The following GLCCI1 variants were observed in gnomAD, a reference collection of about 807,000 sequenced individuals.
GLCCI1 encodes glucocorticoid-induced transcript 1 protein.
Under a neutral mutation model 52.2 loss-of-function variants are expected in GLCCI1, and 24 were observed. That is an observed-to-expected ratio of 0.46 (90% CI 0.33 to 0.65). The LOEUF (loss-of-function observed/expected upper bound fraction) is 0.65. GLCCI1 is among the 30% of genes least tolerant of loss of function. The probability of loss-of-function intolerance (pLI) is 0.02; values close to 1 mark genes in which losing one functional copy is unlikely to be tolerated. For missense variants in GLCCI1, 704 were observed against 701.5 expected (o/e 1.00, Z -0.04); for synonymous variants, 310 against 276.5 (o/e 1.12, Z -1.20).
chr7:8,086,059 AC>A lies in GLCCI1; in HGVS notation c.1299-130del. The A allele has an allele frequency of 1.4e-6, 1 of 690,746 alleles. No individual in the cohort carries two copies. The highest frequency in any genetic ancestry group is 2.6e-5 in the East Asian group (1 of 39,130). The allele number at this position is 690,746 out of a possible 1,614,324, so 42.8% of individuals were successfully genotyped here. On this transcript the variant is annotated intron_variant, in intron 7 of 7. Coordinates refer to ENST00000223145, the MANE Select transcript of GLCCI1 (RefSeq NM_138426.4). This position sits in a 1 kb window ranked among gnomAD's most constrained non-coding sequence, Gnocchi z 4.4. ...CTGACTTGTGCTATGGAAGATGTTT[AC>A]CCCTCTGTATACACTTAACCCATCT...
intron 1 of GLCCI1, among the ~76,000 whole-genome samples, chr7:7,990,370 T>C (rs1562418933): frequency 1.3e-5 from 2 of 152,140 alleles, no homozygotes; most frequent in Non-Finnish European, 2.9e-5. Flanking sequence ...GTTCAATCGG[T>C]AATATCAATT....
chr7:7,980,972 CA>C, intron 1 of GLCCI1: 2 of 567,868 alleles, frequency 3.5e-6, no homozygotes, highest in Middle Eastern at 4.7e-4. Context: ...AGAGTTGACA[CA>C]AATGAAGAAA....
intron 1 of GLCCI1, chr7:7,981,171 T>C (rs1780605770): frequency 7.6e-6 from 3 of 392,444 alleles, no homozygotes; most frequent in South Asian, 6.2e-5. Flanking sequence ...TATAATACTC[T>C]CTAGATTTGG....
chr7:7,995,464 C>T (rs139222857), intron 1 of GLCCI1, among the ~76,000 whole-genome samples: 4,422 of 152,204 alleles, frequency 0.029, 203 homozygotes, highest in African/African-American at 0.093. Flanking sequence ...GAGCCGAGAT[C>T]GTGCCACTGC....
chr7:8,027,443 G>A (rs1370344740), intron 3 of GLCCI1, among the ~76,000 whole-genome samples: 3 of 152,190 alleles, frequency 2.0e-5, no homozygotes, highest in African/African-American at 7.2e-5. Context: ...AGCCAAGATC[G>A]CACCACTGTA....
intron 1 of GLCCI1, among the ~76,000 whole-genome samples, chr7:7,971,071 G>C (rs1470805109): frequency 6.6e-6 from 1 of 152,166 alleles, no homozygotes; most frequent in East Asian, 1.9e-4. Context: ...TAACGCACTT[G>C]TTTTCTGACC....
chr7:8,047,781 C>G (rs896608759), intron 3 of GLCCI1, among the ~76,000 whole-genome samples: 3 of 152,232 alleles, frequency 2.0e-5, no homozygotes, highest in African/African-American at 7.2e-5. Flanking sequence ...TATCCTTATT[C>G]AGTGACAGAA....
rs779125222 is a variant in GLCCI1, at chr7:8,038,493, A to T, written c.696+15924A>T. ...TGATTTTTGACAAAGTTGACAAAAC[A>T]TATGCTGGGGAAAGTACACTCTTTT... On this transcript the variant is annotated intron_variant, in intron 3 of 7. Transcript: ENST00000223145. Among the ~76,000 whole-genome samples the T allele has an allele frequency of 1.1e-3, 175 of 152,232 alleles. 1 individual carries two copies. The highest frequency in any genetic ancestry group is 2.6e-4 in the Non-Finnish European group (18 of 68,026).
intron 1 of GLCCI1, among the ~76,000 whole-genome samples, chr7:8,003,561 T>A (rs1430108666): frequency 6.6e-6 from 1 of 152,194 alleles, no homozygotes; most frequent in Non-Finnish European, 1.5e-5. Flanking sequence ...TAAAATTTAG[T>A]TGAAATGGAT....
At chr7:8,070,719 A>G (rs572631719) in intron 5 of GLCCI1, 9 of 542,054 alleles carry the variant, frequency 1.7e-5, no homozygotes, top group South Asian at 6.4e-5. Flanking sequence ...TAAGGCAAAC[A>G]ATTTGATTTA....
chr7:8,073,135 A>G (rs1483632123), intron 6 of GLCCI1, among the ~76,000 whole-genome samples: 3 of 152,192 alleles, frequency 2.0e-5, no homozygotes, highest in Non-Finnish European at 4.4e-5. Flanking sequence ...AGTTAAGAGT[A>G]GCACTGGCTT....
At chr7:8,067,561 G>A (rs1213122312) in intron 5 of GLCCI1, among the ~76,000 whole-genome samples, 2 of 152,140 alleles carry the variant, frequency 1.3e-5, no homozygotes, top group African/African-American at 4.8e-5. Context: ...TTGTAAGGCA[G>A]GTCTGGTAGT....
At chr7:8,052,907 G>T (rs1348671889) in intron 3 of GLCCI1, among the ~76,000 whole-genome samples, 1 of 152,018 alleles carries the variant, frequency 6.6e-6, no homozygotes, top group African/African-American at 2.4e-5. Context: ...CTGCTCTATG[G>T]TGGAATAGAA....
chr7:7,977,617 T>C (rs750677655), intron 1 of GLCCI1, among the ~76,000 whole-genome samples: 24 of 152,248 alleles, frequency 1.6e-4, no homozygotes, highest in Non-Finnish European at 3.4e-4. Flanking sequence ...CTGCATCTTA[T>C]CTTCTGTGTC....
intron 3 of GLCCI1, among the ~76,000 whole-genome samples, chr7:8,023,991 T>C (rs913719971): frequency 4.6e-5 from 7 of 152,206 alleles, no homozygotes; most frequent in African/African-American, 1.4e-4. Context: ...TGTTCTCTTA[T>C]GTATTGAACT....
chr7:7,992,324 T>C (rs573145028), intron 1 of GLCCI1, among the ~76,000 whole-genome samples: 1 of 152,132 alleles, frequency 6.6e-6, no homozygotes, highest in Admixed American at 6.5e-5. Flanking sequence ...TGCTGCTCTC[T>C]TCTCCTTCAA....
chr7:7,995,914 T>C (rs1780929432), intron 1 of GLCCI1, among the ~76,000 whole-genome samples: 2 of 151,866 alleles, frequency 1.3e-5, no homozygotes, highest in South Asian at 2.1e-4. Flanking sequence ...AAAAATAAAA[T>C]AAATTTTAAG....
intron 1 of GLCCI1, among the ~76,000 whole-genome samples, chr7:8,002,961 T>G (rs896673210): frequency 4.2e-4 from 64 of 152,336 alleles, no homozygotes; most frequent in African/African-American, 1.5e-3. Flanking sequence ...TCTTTTTACC[T>G]CTGTCCCTTG....
intron 2 of GLCCI1, among the ~76,000 whole-genome samples, chr7:8,011,033 C>T (rs575931412): frequency 1.3e-5 from 2 of 151,734 alleles, no homozygotes; most frequent in Non-Finnish European, 2.9e-5. Context: ...GCAAGAGAAT[C>T]GCTTGAACCC....
Sources: allele counts gnomAD v4.1 joint callset (sites outside exome capture counted in the v4.1 genomes callset), GRCh38; gene constraint gnomAD v4.1.1; non-coding constraint Gnocchi (gnomAD v3.1); transcripts MANE v1.5; gene names NCBI Gene and HGNC (gene_info 2026-07-23, HGNC 2026-07-21).